Variants in HCRTR2 observed in about 807,000 individuals in gnomAD.
The protein encoded by HCRTR2 is orexin receptor type 2.
In HCRTR2, 22 loss-of-function variants were observed where a neutral mutation model predicts 49.0. That is an observed-to-expected ratio of 0.45 (90% CI 0.32 to 0.64). HCRTR2 has a LOEUF of 0.64. Among genes scored for constraint, HCRTR2 ranks in the 30% least tolerant of loss-of-function variants. The pLI is 0.04. For missense variants in HCRTR2, 491 were observed against 559.4 expected (o/e 0.88, Z 1.23); for synonymous variants, 236 against 205.3 (o/e 1.15, Z -1.28).
intron 3 of HCRTR2, among the ~76,000 whole-genome samples, chr6:55,260,072 C>A (rs1766726012): frequency 5.3e-5 from 8 of 152,032 alleles, no homozygotes; most frequent in Admixed American, 5.2e-4. Flanking sequence ...CATATTTTTT[C>A]TAATTATTCA....
At chr6:55,220,241 C>T (rs1034681412) in intron 1 of HCRTR2, among the ~76,000 whole-genome samples, 1 of 152,096 alleles carries the variant, frequency 6.6e-6, no homozygotes. Flanking sequence ...GATATTACAA[C>T]GAACACACAC....
intron 1 of HCRTR2, among the ~76,000 whole-genome samples, chr6:55,181,742 A>C (rs1214171732): frequency 6.6e-6 from 1 of 152,202 alleles, no homozygotes; most frequent in Non-Finnish European, 1.5e-5. Context: ...AAAAGCTTGC[A>C]AATTTCCTGT....
At chr6:55,256,696 C>CA (rs138996618) in intron 3 of HCRTR2, among the ~76,000 whole-genome samples, 17,600 of 147,618 alleles carry the variant, frequency 0.12, 2,133 homozygotes, top group African/African-American at 0.32. Flanking sequence ...ATAGTGCAGA[C>CA]AAAAAAAAAA....
upstream of HCRTR2, among the ~76,000 whole-genome samples, chr6:55,171,328 A>T (rs1329535233): frequency 6.6e-6 from 1 of 152,194 alleles, no homozygotes; most frequent in African/African-American, 2.4e-5. Flanking sequence ...TTCTTTTAAC[A>T]ACCTTAAGGG....
chr6:55,198,533 G>A (rs1486456067), intron 1 of HCRTR2, among the ~76,000 whole-genome samples: 5 of 152,004 alleles, frequency 3.3e-5, no homozygotes, highest in African/African-American at 9.7e-5. Context: ...TCTGGATCAC[G>A]ACTTGGGCAT....
chr6:55,121,285 T>C (rs1764195912), intron 1 of HCRTR2, among the ~76,000 whole-genome samples: 1 of 152,102 alleles, frequency 6.6e-6, no homozygotes, highest in Admixed American at 6.6e-5. Flanking sequence ...TGTCTGTTAT[T>C]GGTGTATAGG....
intron 4 of HCRTR2, among the ~76,000 whole-genome samples, chr6:55,267,675 GA>G (rs1766888086): frequency 6.6e-6 from 1 of 152,112 alleles, no homozygotes; most frequent in Non-Finnish European, 1.5e-5. Context: ...ATTTGGGTCT[GA>G]AACTATAGTT....
At chr6:55,218,115 C>G (rs1302359086) in intron 1 of HCRTR2, among the ~76,000 whole-genome samples, 2 of 152,172 alleles carry the variant, frequency 1.3e-5, no homozygotes, top group African/African-American at 2.4e-5. Flanking sequence ...CAGACCCACT[C>G]TTGACGACTA....
At chr6:55,275,012 A>C (rs988677309) in intron 4 of HCRTR2, among the ~76,000 whole-genome samples, 5 of 152,140 alleles carry the variant, frequency 3.3e-5, no homozygotes, top group Non-Finnish European at 7.4e-5. Context: ...AGTTTTGGTC[A>C]TCTTTGTCTT....
intron 1 of HCRTR2, among the ~76,000 whole-genome samples, chr6:55,184,793 C>A (rs1765190447): frequency 6.6e-6 from 1 of 152,114 alleles, no homozygotes. Flanking sequence ...AGCTTTTATT[C>A]CTACTCAGTG....
At chr6:55,235,265 T>A (rs1181263766) in intron 1 of HCRTR2, among the ~76,000 whole-genome samples, 1 of 152,082 alleles carries the variant, frequency 6.6e-6, no homozygotes, top group African/African-American at 2.4e-5. Context: ...TACAAGGGTA[T>A]GTACACTCTG....
downstream of HCRTR2, among the ~76,000 whole-genome samples, chr6:55,284,613 G>T (rs563025985): frequency 6.6e-6 from 1 of 152,082 alleles, no homozygotes; most frequent in Non-Finnish European, 1.5e-5. Flanking sequence ...AACGTGGTTG[G>T]ATGTCTGAAA....
Position 55,154,919 on chromosome 6 carries a change from A to G in HCRTR2, c.-377-19292A>G, listed in dbSNP as rs180975061. 5.8e-3 allele frequency among the ~76,000 whole-genome samples: 880 copies of G among 151,854 alleles called. 7 individuals carry two copies. Among genetic ancestry groups the G allele is most frequent in the African/African-American group, 0.02 (836 of 41,538 alleles). On this transcript the variant is annotated intron_variant, in intron 1 of 7. Transcript: ENST00000615358. ...AAATCAGTATACAAAAAGTACTTGT[A>G]ATTCTATATAATAGCAACAAACTAT...
chr6:55,162,109 T>C (rs1764814234), intron 1 of HCRTR2, among the ~76,000 whole-genome samples: 1 of 152,086 alleles, frequency 6.6e-6, no homozygotes, highest in African/African-American at 2.4e-5. Context: ...GCAAACCAAA[T>C]CCAGCAGCAC....
chr6:55,112,822 C>T (rs1054345116), intron 1 of HCRTR2, among the ~76,000 whole-genome samples: 4 of 151,396 alleles, frequency 2.6e-5, no homozygotes, highest in African/African-American at 9.7e-5. Flanking sequence ...AAAGAGCCCA[C>T]ATAGCCAAAG....
chr6:55,275,286 A>G (rs191299848), intron 4 of HCRTR2, among the ~76,000 whole-genome samples: 1 of 152,154 alleles, frequency 6.6e-6, no homozygotes, highest in African/African-American at 2.4e-5. Context: ...GGGTGCATGT[A>G]TTTTACTTAA....
chr6:55,130,378 G>T (rs1389793078), intron 1 of HCRTR2, among the ~76,000 whole-genome samples: 3 of 145,500 alleles, frequency 2.1e-5, no homozygotes, highest in Non-Finnish European at 4.5e-5. Flanking sequence ...CCTTTTTTTT[G>T]TTGTTTTGTT....
At chr6:55,242,428 T>A (rs1766354179) in intron 1 of HCRTR2, among the ~76,000 whole-genome samples, 1 of 152,186 alleles carries the variant, frequency 6.6e-6, no homozygotes, top group African/African-American at 2.4e-5. Context: ...ATGATTGCTC[T>A]GAGTACCTCA....
chr6:55,282,020 G>T (rs1267166043), intron 6 of HCRTR2, among the ~76,000 whole-genome samples: 1 of 152,036 alleles, frequency 6.6e-6, no homozygotes, highest in Admixed American at 6.6e-5. Flanking sequence ...AGGCAGCCTC[G>T]TTATTTTATG....
Sources: allele counts gnomAD v4.1 joint callset (sites outside exome capture counted in the v4.1 genomes callset), GRCh38; gene constraint gnomAD v4.1.1; transcripts MANE v1.5; gene names NCBI Gene and HGNC (gene_info 2026-07-23, HGNC 2026-07-21).